Variants in SNX24 observed in about 807,000 individuals in gnomAD.
The protein encoded by SNX24 is sorting nexin-24.
SNX24 carries 22 observed loss-of-function variants against 28.7 expected under a neutral mutation model. The ratio of observed to expected loss-of-function variants is 0.77; its 90% CI spans 0.55 to 1.10. The LOEUF is 1.10. Ranked by LOEUF, SNX24 falls within the 50% of genes least tolerant of loss-of-function variation. SNX24 has a pLI of 0.00. For synonymous variants in SNX24, 69 were observed against 71.5 expected (o/e 0.96, Z 0.18); for missense variants, 221 against 201.1 (o/e 1.10, Z -0.60).
intron 3 of SNX24, among the ~76,000 whole-genome samples, chr5:122,965,685 G>A (rs931799551): frequency 1.3e-5 from 2 of 152,166 alleles, no homozygotes; most frequent in African/African-American, 4.8e-5. Flanking sequence ...TACCGATAGT[G>A]CTAGCTAGTG....
intron 5 of SNX24, among the ~76,000 whole-genome samples, chr5:123,018,150 G>C (rs1248300581): frequency 6.6e-6 from 1 of 151,906 alleles, no homozygotes. Context: ...GGGATGGCCA[G>C]TGGCAAGCAG....
chr5:122,978,588 A>G (rs564884030), intron 3 of SNX24, among the ~76,000 whole-genome samples: 34 of 152,302 alleles, frequency 2.2e-4, no homozygotes, highest in South Asian at 1.5e-3. Flanking sequence ...ACAGTCTTCA[A>G]TTGAGGGCTT....
chr5:122,890,033 T>C (rs1472056385), intron 1 of SNX24, among the ~76,000 whole-genome samples: 1 of 152,076 alleles, frequency 6.6e-6, no homozygotes. Context: ...CTCTATGGCA[T>C]TGTCATTTTT....
chr5:122,897,756 C>A (rs930093132), intron 1 of SNX24, among the ~76,000 whole-genome samples: 1 of 152,108 alleles, frequency 6.6e-6, no homozygotes, highest in Non-Finnish European at 1.5e-5. Flanking sequence ...TTTAGTTTTC[C>A]TGTAACAGAA....
At chr5:122,876,212 C>T (rs994771696) in intron 1 of SNX24, among the ~76,000 whole-genome samples, 4 of 152,134 alleles carry the variant, frequency 2.6e-5, no homozygotes, top group African/African-American at 9.7e-5. Flanking sequence ...GAGCTGGCCA[C>T]AGTACTGACA....
Position 122,873,613 on chromosome 5 carries a change from A to G in SNX24, c.60+27920A>G, listed in dbSNP as rs149467094. 2.6e-3 allele frequency among the ~76,000 whole-genome samples: 402 copies of G among 152,192 alleles called. 1 individual carries two copies. Among genetic ancestry groups the G allele is most frequent in the African/African-American group, 9.4e-3 (391 of 41,508 alleles). ...GTGAGGCACAATTTCATCAGCTCCA[A>G]TATTTACTTAGATTCATTTATTTAA... is the stretch of plus-strand genomic sequence containing the variant. On this transcript the variant is annotated intron_variant, in intron 1 of 6. Coordinates refer to ENST00000261369, the MANE Select transcript of SNX24 (RefSeq NM_014035.4).
chr5:122,963,065 C>T (rs1760553337), intron 3 of SNX24, among the ~76,000 whole-genome samples: 2 of 152,154 alleles, frequency 1.3e-5, no homozygotes, highest in South Asian at 4.1e-4. Flanking sequence ...GAAACCTCGT[C>T]TCTGCTAAAA....
chr5:122,910,473 T>A (rs1372376148), intron 1 of SNX24, among the ~76,000 whole-genome samples: 2 of 152,152 alleles, frequency 1.3e-5, no homozygotes, highest in East Asian at 3.8e-4. Context: ...TTTTGTTTTT[T>A]AATTATTATT....
intron 3 of SNX24, among the ~76,000 whole-genome samples, chr5:122,988,144 A>G (rs1581837513): frequency 1.3e-5 from 2 of 152,090 alleles, no homozygotes; most frequent in African/African-American, 4.8e-5. Flanking sequence ...TGTCTGGCCA[A>G]CTAGAGTGGT....
chr5:122,852,228 G>T (rs144643017), intron 1 of SNX24, among the ~76,000 whole-genome samples: 2 of 151,306 alleles, frequency 1.3e-5, no homozygotes, highest in East Asian at 3.9e-4. Context: ...GCTTTGTTAC[G>T]TAGGTAAACA....
At chr5:123,023,202 T>A (rs1762787164) in intron 5 of SNX24, 1 of 152,248 alleles carries the variant, frequency 6.6e-6, no homozygotes, top group African/African-American at 2.4e-5. Context: ...TGAATAACAA[T>A]AAGTAAATAA....
chr5:122,866,071 A>G (rs2150047264), intron 1 of SNX24, among the ~76,000 whole-genome samples: 1 of 152,362 alleles, frequency 6.6e-6, no homozygotes. Flanking sequence ...ATATTTTTGT[A>G]ACAAAATAAG....
At chr5:123,006,507 C>G (rs888583799) in intron 6 of SNX24, among the ~76,000 whole-genome samples, 2 of 152,250 alleles carry the variant, frequency 1.3e-5, no homozygotes, top group African/African-American at 4.8e-5. Flanking sequence ...CTTCTCCAGT[C>G]CATTCTCCAG....
At chr5:122,951,039 G>C (rs1163211675) in intron 3 of SNX24, among the ~76,000 whole-genome samples, 1 of 151,906 alleles carries the variant, frequency 6.6e-6, no homozygotes, top group Non-Finnish European at 1.5e-5. Flanking sequence ...AGGCCGAGGC[G>C]GGCGGATCAC....
chr5:122,965,250 C>G (rs1210161373), intron 3 of SNX24, among the ~76,000 whole-genome samples: 3 of 152,166 alleles, frequency 2.0e-5, no homozygotes, highest in Non-Finnish European at 4.4e-5. Flanking sequence ...GGGAATTTTC[C>G]TGGTGTAACC....
intron 3 of SNX24, among the ~76,000 whole-genome samples, chr5:122,952,407 G>C (rs534817402): frequency 6.6e-6 from 1 of 152,264 alleles, no homozygotes; most frequent in East Asian, 1.9e-4. Flanking sequence ...TTCTAATGTG[G>C]ATAGTAGGGC....
intron 1 of SNX24, among the ~76,000 whole-genome samples, chr5:122,867,127 T>C (rs550639417): frequency 1.3e-5 from 2 of 152,324 alleles, no homozygotes; most frequent in South Asian, 4.1e-4. Flanking sequence ...CTGCAAAGTA[T>C]TGCAACTTAG....
chr5:122,854,556 T>TA lies in SNX24; in HGVS notation c.60+8873dup, dbSNP rs55978890. Among the ~76,000 whole-genome samples, 211 of 149,626 alleles carry TA rather than the reference T, an allele frequency of 1.4e-3. 1 individual carries two copies. The highest frequency in any genetic ancestry group is 3.4e-3 in the African/African-American group (137 of 40,850). On this transcript the variant is annotated intron_variant, in intron 1 of 6. Coordinates refer to ENST00000261369, the MANE Select transcript of SNX24 (RefSeq NM_014035.4). ...AAAAAAAAACATAGTGTTACTTATG[T>TA]AAAAAAAAAATCTTATGGCTTATCC...
downstream of SNX24, among the ~76,000 whole-genome samples, chr5:123,011,565 AT>A (rs530390438): frequency 6.6e-6 from 1 of 152,358 alleles, no homozygotes; most frequent in African/African-American, 2.4e-5. Flanking sequence ...GATGGTTTTC[AT>A]CTCATTTGTC....
Sources: gnomAD v4.1 joint callset for allele counts (sites outside exome capture counted in the v4.1 genomes callset) on GRCh38, gnomAD v4.1.1 for gene constraint, MANE v1.5 for transcripts, NCBI Gene and HGNC (gene_info 2026-07-23, HGNC 2026-07-21) for gene names.